The following LBP variants were observed in gnomAD, a reference collection of about 807,000 sequenced individuals.
The protein encoded by LBP is lipopolysaccharide-binding protein.
LBP carries 53 observed loss-of-function variants against 56.6 expected under a neutral mutation model. The observed-to-expected ratio is 0.94, with a 90% CI of 0.75 to 1.18. The LOEUF is 1.18. Among genes scored for constraint, LBP ranks in the 50% most tolerant of loss-of-function variants. The pLI, the probability that LBP is intolerant of heterozygous loss-of-function variation, is 0.00. For synonymous variants in LBP, 227 were observed against 247.5 expected (o/e 0.92, Z 0.78); for missense variants, 601 against 598.3 (o/e 1.00, Z -0.05).
At chr20:38,360,512 A>G (rs962118847) in intron 5 of LBP, among the ~76,000 whole-genome samples, 192 bp from the exon 6 acceptor site, 4 of 152,238 alleles carry the variant, frequency 2.6e-5, no homozygotes, top group Non-Finnish European at 4.4e-5. Context: ...ACCCTAGTGG[A>G]GTCCACATGG....
At chr20:38,361,408 A>G (rs1407882303) in intron 6 of LBP, among the ~76,000 whole-genome samples, 4 of 151,990 alleles carry the variant, frequency 2.6e-5, no homozygotes, top group Non-Finnish European at 5.9e-5. Flanking sequence ...GCATTGTTCC[A>G]GATTTCTTTT....
At chr20:38,357,579 C>G (rs962935409) in intron 5 of LBP, among the ~76,000 whole-genome samples, 1 of 152,178 alleles carries the variant, frequency 6.6e-6, no homozygotes, top group Non-Finnish European at 1.5e-5. Flanking sequence ...TGATCCAGAA[C>G]CTCAAGAGAG....
intron 2 of LBP, among the ~76,000 whole-genome samples, chr20:38,350,247 C>T (rs752029981): frequency 2.0e-5 from 3 of 152,198 alleles, no homozygotes; most frequent in Admixed American, 2.0e-4. Flanking sequence ...TTCATTCCTG[C>T]CTTCTTTTAT....
chr20:38,348,484 T>C (rs2076808512), intron 1 of LBP, among the ~76,000 whole-genome samples: 1 of 152,044 alleles, frequency 6.6e-6, no homozygotes, highest in Non-Finnish European at 1.5e-5. Context: ...AGCTAATTTT[T>C]GTATTTTTAG....
At chr20:38,355,431 G>C in intron 5 of LBP, 22 bp downstream of exon 5, 1 of 1,609,148 alleles carries the variant, frequency 6.2e-7, no homozygotes, top group Non-Finnish European at 8.5e-7. Flanking sequence ...CAAGCCTCTG[G>C]CCTCCCCCGA....
At chr20:38,367,281 C>T (rs2076885637) in intron 9 of LBP, among the ~76,000 whole-genome samples, 1 of 151,998 alleles carries the variant, frequency 6.6e-6, no homozygotes, top group Non-Finnish European at 1.5e-5. Context: ...TGACGAAACC[C>T]CATCTCTACA....
intron 3 of LBP, among the ~76,000 whole-genome samples, chr20:38,352,445 AAAAC>A (rs766453123): frequency 3.3e-5 from 5 of 152,310 alleles, no homozygotes; most frequent in East Asian, 1.9e-4. Context: ...TTAGGATTAA[AAAAC>A]AAACAAACAA....
intron 3 of LBP, among the ~76,000 whole-genome samples, chr20:38,352,830 T>TATAA (rs137996210): frequency 0.14 from 20,982 of 151,910 alleles, 1,584 homozygotes; most frequent in South Asian, 0.2. Context: ...AATTATTTAT[T>TATAA]ATAAATAAAT....
intron 8 of LBP, among the ~76,000 whole-genome samples, chr20:38,365,508 T>A (rs6025191): frequency 4.6e-5 from 7 of 151,162 alleles, no homozygotes; most frequent in African/African-American, 1.7e-4. Flanking sequence ...ACCAGCCTGG[T>A]CAACATGGCA....
chr20:38,359,444 T>C (rs539227127), intron 5 of LBP, among the ~76,000 whole-genome samples: 1 of 152,170 alleles, frequency 6.6e-6, no homozygotes, highest in African/African-American at 2.4e-5. Context: ...TAGCAGGGTG[T>C]GGTGGCACAT....
chr20:38,353,478 C>A (rs1444237887), intron 3 of LBP, among the ~76,000 whole-genome samples: 1 of 111,874 alleles, frequency 8.9e-6, no homozygotes, highest in African/African-American at 4.3e-5. Flanking sequence ...TAGGCTGCTT[C>A]CTTTTTTTTT....
intron 14 of LBP, among the ~76,000 whole-genome samples, chr20:38,376,049 C>T (rs548219120): frequency 6.6e-6 from 1 of 152,252 alleles, no homozygotes; most frequent in South Asian, 2.1e-4. Context: ...CTCTGTAAAA[C>T]GGGACATAAC....
At chr20:38,359,669 G>T (rs2076853004) in intron 5 of LBP, among the ~76,000 whole-genome samples, 1 of 152,042 alleles carries the variant, frequency 6.6e-6, no homozygotes, top group Non-Finnish European at 1.5e-5. Context: ...AATTACAAAA[G>T]CAAGTACAGC....
intron 2 of LBP, among the ~76,000 whole-genome samples, chr20:38,350,577 C>G (rs1431687472): frequency 6.6e-6 from 1 of 152,248 alleles, no homozygotes; most frequent in Non-Finnish European, 1.5e-5. Context: ...TCTATTTCCC[C>G]CTTTGTGGAA....
At chr20:38,349,507 C>A in intron 1 of LBP, 41 bp from the exon 2 acceptor site, 1 of 1,459,528 alleles carries the variant, frequency 6.9e-7, no homozygotes, top group South Asian at 1.2e-5. Flanking sequence ...GGGGAGGAGG[C>A]AGGCAGATCA....
rs866079761 is a variant in LBP at position 38,371,312 on chromosome 20, G to A, written c.1250G>A (p.Gly417Glu). 6.8e-6 allele frequency: 11 copies of A among 1,608,226 alleles called. No homozygotes were observed. Among genetic ancestry groups the A allele is most frequent in the African/African-American group, 6.7e-5 (5 of 74,798 alleles). Residue 417 changes from glycine to glutamate, a missense_variant, in exon 12 of 15, where the codon GGA (glycine) becomes GAA (glutamate). By Grantham distance (98) the Gly-to-Glu change is moderately conservative (BLOSUM62 -2). Transcript: ENST00000217407. ...GTGGAACTGAAAGAATCCAAAGTTGGACTATTCAATGTAAGTTGTTTTTAT... is the reference window on the plus strand; with the variant it reads ...GTGGAACTGAAAGAATCCAAAGTTGAACTATTCAATGTAAGTTGTTTTTAT... ...VKVELKESKV[G>E]LFNAELLEAL...
At position 38,360,657 on chromosome 20, in the gene LBP, C is replaced by G. The variant is rs747129813; in HGVS notation, c.589-47C>G. 51 of 1,363,156 alleles carry G rather than the reference C, an allele frequency of 3.7e-5. No homozygotes were observed. In the Admixed American group the frequency reaches 8.6e-4, roughly 23 times the overall value. 84.4% of individuals were successfully genotyped at this position (1,363,156 alleles called of 1,614,324 possible). A position where few individuals can be genotyped will look rare whatever the true frequency, so the allele number is the denominator to read the frequency against. ...CTGCAGTGATCAGCACGGGGCCAGA[C>G]CAGAGCTGGGGAACTCACTCAGTCA... On this transcript the variant is annotated intron_variant, in intron 5 of 14. Coordinates refer to ENST00000217407, the MANE Select transcript of LBP (RefSeq NM_004139.5).
At chr20:38,350,660 T>A in intron 2 of LBP, 151 bp from the exon 3 acceptor site, 1 of 784,414 alleles carries the variant, frequency 1.3e-6, no homozygotes, top group South Asian at 2.1e-5. Context: ...CTTAGCATGG[T>A]CATAAGATCG....
At chr20:38,348,170 CA>C (rs1184729062) in intron 1 of LBP, among the ~76,000 whole-genome samples, 3 of 152,180 alleles carry the variant, frequency 2.0e-5, no homozygotes, top group Non-Finnish European at 4.4e-5. Context: ...CTGGGCCCCT[CA>C]GATCTCGGAA....
Sources: gnomAD v4.1 joint callset for allele counts (sites outside exome capture counted in the v4.1 genomes callset) on GRCh38, gnomAD v4.1.1 for gene constraint, MANE v1.5 for transcripts, NCBI Gene and HGNC (gene_info 2026-07-23, HGNC 2026-07-21) for gene names.